Variants in GRID2 observed in about 807,000 individuals in gnomAD.
GRID2 encodes glutamate ionotropic receptor delta type subunit 2.
GRID2 carries 33 observed loss-of-function variants against 114.8 expected under a neutral mutation model. The ratio of observed to expected loss-of-function variants is 0.29; its 90% CI spans 0.22 to 0.38. GRID2 has a LOEUF of 0.38. Ranked by LOEUF, GRID2 falls within the 10% of genes least tolerant of loss-of-function variation. The pLI, the probability that GRID2 is intolerant of heterozygous loss-of-function variation, is 1.00. For missense variants in GRID2, 1,184 were observed against 1,257.7 expected (o/e 0.94, Z 0.89); for synonymous variants, 505 against 449.9 (o/e 1.12, Z -1.55).
At chr4:92,702,649 TATTC>T (rs1734740249) in intron 2 of GRID2, 1 of 151,880 alleles carries the variant, frequency 6.6e-6, no homozygotes, top group Non-Finnish European at 1.5e-5. Context: ...GCCTCCTATT[TATTC>T]ATAGTATACT....
At chr4:92,467,469 A>G (rs1226175002) in intron 1 of GRID2, among the ~76,000 whole-genome samples, 1 of 152,010 alleles carries the variant, frequency 6.6e-6, no homozygotes, top group Admixed American at 6.6e-5. Flanking sequence ...AATATGTAAA[A>G]AGGGACCACT....
intron 8 of GRID2, among the ~76,000 whole-genome samples, chr4:93,353,007 A>T (rs1310093018): frequency 1.3e-5 from 2 of 152,046 alleles, no homozygotes; most frequent in Non-Finnish European, 2.9e-5. Context: ...TACATGTGCA[A>T]GTCCTGAAAA....
At chr4:92,606,937 G>A (rs1205236728) in intron 2 of GRID2, among the ~76,000 whole-genome samples, 1 of 151,982 alleles carries the variant, frequency 6.6e-6, no homozygotes, top group Non-Finnish European at 1.5e-5. Context: ...GATAAAATCT[G>A]TATGTTCATG....
chr4:93,682,282 C>A (rs1725639272), intron 14 of GRID2, among the ~76,000 whole-genome samples: 4 of 149,176 alleles, frequency 2.7e-5, no homozygotes, highest in Admixed American at 6.7e-5. Flanking sequence ...CAGGAAACAA[C>A]AGGTGCTGGA....
intron 2 of GRID2, among the ~76,000 whole-genome samples, chr4:92,881,316 C>A (rs1745994554): frequency 6.6e-6 from 1 of 152,152 alleles, no homozygotes; most frequent in Non-Finnish European, 1.5e-5. Flanking sequence ...ATTTTCCTGG[C>A]TTCTTTTCTT....
At chr4:92,563,057 C>CT (rs1727170992) in intron 1 of GRID2, among the ~76,000 whole-genome samples, 1 of 152,130 alleles carries the variant, frequency 6.6e-6, no homozygotes, top group South Asian at 2.1e-4. Flanking sequence ...CTTCCCATGA[C>CT]TTTGAGACTG....
intron 8 of GRID2, among the ~76,000 whole-genome samples, chr4:93,371,922 AT>A (rs1453527427): frequency 6.6e-6 from 1 of 151,496 alleles, no homozygotes; most frequent in African/African-American, 2.4e-5. Context: ...TAATTTTTGT[AT>A]TCTTAGTAGA....
At chr4:92,666,882 G>T (rs1381686994) in intron 2 of GRID2, among the ~76,000 whole-genome samples, 1 of 151,190 alleles carries the variant, frequency 6.6e-6, no homozygotes, top group Non-Finnish European at 1.5e-5. Context: ...GAACAATAAG[G>T]GGGAGATGTA....
intron 13 of GRID2, among the ~76,000 whole-genome samples, chr4:93,603,721 G>C (rs754171536): frequency 3.3e-5 from 5 of 152,204 alleles, no homozygotes; most frequent in Non-Finnish European, 5.9e-5. Flanking sequence ...ATTTGAAGTT[G>C]AAGCCAGTGC....
intron 3 of GRID2, among the ~76,000 whole-genome samples, chr4:93,107,194 G>C (rs530600204): frequency 4.6e-4 from 70 of 152,270 alleles, no homozygotes; most frequent in African/African-American, 1.5e-3. Flanking sequence ...AGCTGCTCAG[G>C]AGGCTGAGGT....
chr4:93,592,916 C>A (rs1310319004), intron 13 of GRID2, among the ~76,000 whole-genome samples: 2 of 151,590 alleles, frequency 1.3e-5, no homozygotes, highest in African/African-American at 2.4e-5. Context: ...CTTGGTAGAT[C>A]TTCCTCCATC....
intron 13 of GRID2, among the ~76,000 whole-genome samples, chr4:93,527,690 T>G (rs775333012): frequency 3.5e-4 from 53 of 152,164 alleles, no homozygotes; most frequent in Non-Finnish European, 7.3e-4. Flanking sequence ...AAATTTTATT[T>G]ATTTTTTAAA....
chr4:92,970,879 A>G (rs1753463050), intron 2 of GRID2, among the ~76,000 whole-genome samples: 1 of 151,972 alleles, frequency 6.6e-6, no homozygotes, highest in Non-Finnish European at 1.5e-5. Context: ...TTGCTTTACT[A>G]CATGTTGCTT....
chr4:93,420,731 C>CTTACTTATTTAT (rs1553926740), intron 9 of GRID2, among the ~76,000 whole-genome samples: 2 of 146,244 alleles, frequency 1.4e-5, no homozygotes, highest in Middle Eastern at 3.2e-3. Context: ...ATTATTTTTA[C>CTTACTTATTTAT]TTATTTATTT....
At chr4:93,564,015 T>C (rs1735167084) in intron 13 of GRID2, among the ~76,000 whole-genome samples, 1 of 151,952 alleles carries the variant, frequency 6.6e-6, no homozygotes, top group South Asian at 2.1e-4. Context: ...TGAGGTCTGC[T>C]ATTGACCAAG....
At chr4:92,770,826 A>T (rs553401625) in intron 2 of GRID2, among the ~76,000 whole-genome samples, 1 of 152,168 alleles carries the variant, frequency 6.6e-6, no homozygotes, top group Non-Finnish European at 1.5e-5. Flanking sequence ...ACAACTCAAG[A>T]TAAGATTTGA....
intron 2 of GRID2, among the ~76,000 whole-genome samples, chr4:92,751,899 G>A (rs981998566): frequency 6.6e-6 from 1 of 152,138 alleles, no homozygotes; most frequent in African/African-American, 2.4e-5. Flanking sequence ...GTAGACAAGG[G>A]CAAAGTAAGA....
At chr4:92,617,853 C>T (rs1042234877) in intron 2 of GRID2, among the ~76,000 whole-genome samples, 1 of 150,012 alleles carries the variant, frequency 6.7e-6, no homozygotes, top group African/African-American at 2.4e-5. Context: ...CTTAATTAGA[C>T]GATTTTGTGT....
intron 8 of GRID2, among the ~76,000 whole-genome samples, chr4:93,323,452 T>A (rs1000871573): frequency 6.6e-6 from 1 of 152,176 alleles, no homozygotes; most frequent in African/African-American, 2.4e-5. Context: ...TACTGTAGCC[T>A]TGTAGTATAG....
Sources: gnomAD v4.1 joint callset for allele counts (sites outside exome capture counted in the v4.1 genomes callset) on GRCh38, gnomAD v4.1.1 for gene constraint, MANE v1.5 for transcripts, NCBI Gene and HGNC (gene_info 2026-07-23, HGNC 2026-07-21) for gene names.